The following AGBL4 variants were observed in gnomAD, a reference collection of about 807,000 sequenced individuals.
AGBL4 encodes AGBL carboxypeptidase 4.
Under a neutral mutation model 66.4 loss-of-function variants are expected in AGBL4, and 58 were observed. That is an observed-to-expected ratio of 0.87 (90% CI 0.71 to 1.09). The LOEUF (loss-of-function observed/expected upper bound fraction) is 1.09, where lower values mean the gene tolerates loss of function less well. AGBL4 is among the 50% of genes least tolerant of loss of function. The probability of loss-of-function intolerance (pLI) is 0.00; values close to 1 mark genes in which losing one functional copy is unlikely to be tolerated. For missense variants in AGBL4, 579 were observed against 631.0 expected, an observed-to-expected ratio of 0.92 and a Z score of 0.88; for synonymous variants, 234 against 222.9, an observed-to-expected ratio of 1.05 and a Z score of -0.44.
chr1:48,821,654 C>G (rs904147716), intron 6 of AGBL4, among the ~76,000 whole-genome samples: 1 of 152,068 alleles, frequency 6.6e-6, no homozygotes, highest in African/African-American at 2.4e-5. Context: ...AACATTAACT[C>G]TATGGTTGAT....
At chr1:48,526,009 C>CA in the AGBL4 span, among the ~76,000 whole-genome samples, 1 of 152,124 alleles carries the variant, frequency 6.6e-6, no homozygotes, top group African/African-American at 2.4e-5. Context: ...AGGGTAGCAC[C>CA]AATCCTGCCT....
intron 3 of AGBL4, among the ~76,000 whole-genome samples, chr1:49,403,717 T>C (rs1472518061): frequency 2.0e-5 from 3 of 152,208 alleles, no homozygotes; most frequent in Non-Finnish European, 4.4e-5. Context: ...CTGGGCTTTT[T>C]GTATCCAAAA....
intron 3 of AGBL4, among the ~76,000 whole-genome samples, chr1:49,427,257 A>G (rs892219966): frequency 1.3e-5 from 2 of 152,168 alleles, no homozygotes; most frequent in African/African-American, 2.4e-5. Flanking sequence ...TGTTCTGCTG[A>G]GCACCTCAAA....
At chr1:49,672,009 C>T (rs192922607) in intron 3 of AGBL4, among the ~76,000 whole-genome samples, 9 of 152,272 alleles carry the variant, frequency 5.9e-5, no homozygotes, top group Non-Finnish European at 1.3e-4. Context: ...GAATATAAAG[C>T]ATGCTACCAC....
intron 8 of AGBL4, among the ~76,000 whole-genome samples, chr1:48,637,658 A>G (rs1446622137): frequency 6.7e-6 from 1 of 150,158 alleles, no homozygotes; most frequent in Non-Finnish European, 1.5e-5. Context: ...ACAGAGGCAG[A>G]GTATTCTGGC....
Position 48,627,755 on chromosome 1 carries a change from T to C in AGBL4, c.951+6738A>G, listed in dbSNP as rs139925426. Among the ~76,000 whole-genome samples, 5 of 152,200 alleles carry C rather than the reference T, an allele frequency of 3.3e-5. No homozygotes were observed. In the East Asian group the frequency reaches 7.7e-4, roughly 24 times the overall value. On this transcript the variant is annotated intron_variant, in intron 9 of 13. Coordinates refer to ENST00000371839, the MANE Select transcript of AGBL4 (RefSeq NM_032785.4). ...GCAGCTGAGGAGGGCCTTTCTCCTC[T>C]AGTAAACGGGGGGAAATCACCTCGG...
At chr1:48,968,998 CT>C (rs912504966) in intron 5 of AGBL4, among the ~76,000 whole-genome samples, 1 of 152,090 alleles carries the variant, frequency 6.6e-6, no homozygotes, top group African/African-American at 2.4e-5. Context: ...AAACATGTGT[CT>C]TGTTGGTTTT....
chr1:48,573,064 C>T (rs1431295147), intron 11 of AGBL4, among the ~76,000 whole-genome samples: 1 of 152,210 alleles, frequency 6.6e-6, no homozygotes, highest in East Asian at 1.9e-4. Context: ...TGCCTCTACA[C>T]CGGCCCAGCG....
intron 5 of AGBL4, among the ~76,000 whole-genome samples, chr1:48,973,416 T>A (rs1659070065): frequency 6.6e-6 from 1 of 152,132 alleles, no homozygotes; most frequent in East Asian, 1.9e-4. Flanking sequence ...ATTTACAATA[T>A]CCACAATTAG....
chr1:48,918,979 G>A (rs979555936), intron 5 of AGBL4, among the ~76,000 whole-genome samples: 1 of 152,152 alleles, frequency 6.6e-6, no homozygotes, highest in Non-Finnish European at 1.5e-5. Flanking sequence ...GCTGTTTGCT[G>A]CACATGTACA....
intron 3 of AGBL4, among the ~76,000 whole-genome samples, chr1:49,322,987 T>C (rs1314271869): frequency 6.6e-6 from 1 of 152,252 alleles, no homozygotes; most frequent in African/African-American, 2.4e-5. Context: ...TTTTAATTTC[T>C]CAAAATAAAA....
At chr1:48,722,072 T>A (rs922601166) in intron 6 of AGBL4, among the ~76,000 whole-genome samples, 4 of 136,452 alleles carry the variant, frequency 2.9e-5, no homozygotes, top group African/African-American at 1.1e-4. Flanking sequence ...AGAGAGAAAA[T>A]TGACAACTTG....
chr1:49,781,697 A>C (rs1332216811), intron 2 of AGBL4, among the ~76,000 whole-genome samples: 1 of 152,132 alleles, frequency 6.6e-6, no homozygotes, highest in Non-Finnish European at 1.5e-5. Context: ...AATTTCACGA[A>C]GTACACACAG....
At chr1:49,095,420 C>T (rs983222930) in intron 4 of AGBL4, among the ~76,000 whole-genome samples, 19 of 152,182 alleles carry the variant, frequency 1.2e-4, no homozygotes, top group Non-Finnish European at 2.6e-4. Flanking sequence ...CATCACGCTA[C>T]GTGACTTCAA....
chr1:48,634,856 T>C (rs942225633), intron 8 of AGBL4, among the ~76,000 whole-genome samples: 2 of 152,190 alleles, frequency 1.3e-5, no homozygotes, highest in African/African-American at 4.8e-5. Flanking sequence ...AAAGTATTTC[T>C]GTGGTGTAGC....
At chr1:49,466,712 A>G (rs1239886208) in intron 3 of AGBL4, among the ~76,000 whole-genome samples, 2 of 151,858 alleles carry the variant, frequency 1.3e-5, no homozygotes, top group Non-Finnish European at 2.9e-5. Context: ...AGGGTGGCAC[A>G]AACCACACAT....
intron 1 of AGBL4, among the ~76,000 whole-genome samples, chr1:49,929,726 T>A (rs1653144157): frequency 6.6e-6 from 1 of 151,902 alleles, no homozygotes. Context: ...CAGCAGAAAA[T>A]GTAACTACAC....
At chr1:49,330,374 G>T (rs938539356) in intron 3 of AGBL4, among the ~76,000 whole-genome samples, 1 of 152,092 alleles carries the variant, frequency 6.6e-6, no homozygotes, top group Non-Finnish European at 1.5e-5. Context: ...CCAAGATGGC[G>T]CTCCACTCTG....
intron 3 of AGBL4, among the ~76,000 whole-genome samples, chr1:49,624,025 G>C (rs1645419378): frequency 6.6e-6 from 1 of 151,976 alleles, no homozygotes; most frequent in African/African-American, 2.4e-5. Flanking sequence ...GTGTGTGTGT[G>C]TGTGTGTACA....
Sources: gnomAD v4.1 joint callset for allele counts (sites outside exome capture counted in the v4.1 genomes callset) on GRCh38, gnomAD v4.1.1 for gene constraint, MANE v1.5 for transcripts, NCBI Gene and HGNC (gene_info 2026-07-23, HGNC 2026-07-21) for gene names.